Variants in GATAD1 observed in about 807,000 individuals in gnomAD.
GATAD1 encodes GATA zinc finger domain-containing protein 1.
Under a neutral mutation model 26.5 loss-of-function variants are expected in GATAD1, and 12 were observed. The ratio of observed to expected loss-of-function variants is 0.45; its 90% CI spans 0.29 to 0.73. The LOEUF (loss-of-function observed/expected upper bound fraction) is 0.73. Among genes scored for constraint, GATAD1 ranks in the 30% least tolerant of loss-of-function variants. The pLI is 0.10. For synonymous variants in GATAD1, 129 were observed against 133.1 expected (o/e 0.97, Z 0.21); for missense variants, 266 against 342.1 (o/e 0.78, Z 1.75).
chr7:92,481,829 AGTT>A, the GATAD1 span, among the ~76,000 whole-genome samples: 3 of 152,146 alleles, frequency 2.0e-5, no homozygotes, highest in South Asian at 2.1e-4. Context: ...GAGGGAAAGG[AGTT>A]GTTGTTTTGT....
Position 92,458,803 on chromosome 7 carries a change from A to AT in GATAD1, c.*2241_*2242insT, listed in dbSNP as rs1789798839. 1 of 152,232 alleles carries AT rather than the reference A, an allele frequency of 6.6e-6. No homozygotes were observed. Among genetic ancestry groups the AT allele is most frequent in the South Asian group, 2.1e-4 (1 of 4,838 alleles). 9.4% of individuals were successfully genotyped at this position (152,232 alleles called of 1,614,324 possible). ...TAACTTTCTAAGTGCCAATATTCAA[A>AT]ACTTTTGGATTAAAATGTATTTTTC... On this transcript the variant is annotated 3_prime_UTR_variant, in exon 5 of 5. Transcript: ENST00000287957.
In GATAD1 at chr7:92,447,837, G is replaced by A. The variant is rs752143717; in HGVS notation, c.108G>A (p.Arg36=). 2.3e-5 allele frequency: 33 copies of A among 1,409,846 alleles called. No individual in the cohort carries two copies. In the South Asian group the frequency reaches 4.6e-4, roughly 20 times the overall value. 87.3% of individuals were successfully genotyped at this position (1,409,846 alleles called of 1,614,324 possible). A position where few individuals can be genotyped will look rare whatever the true frequency, so the allele number is the denominator to read the frequency against. ...GEILCHHCTG[R]GGAGSGGAGS... ...TCCTCTGCCATCATTGCACTGGCCGGGGCGGCGCGGGCAGCGGGGGCGCAG... is the reference window on the plus strand; with the variant it reads ...TCCTCTGCCATCATTGCACTGGCCGAGGCGGCGCGGGCAGCGGGGGCGCAG... The change falls in exon 1 of 5, where the codon CGG becomes CGA. Residue 36 remains arginine (R), a synonymous_variant. Coordinates refer to ENST00000287957, the MANE Select transcript of GATAD1 (RefSeq NM_021167.5).
At chr7:92,472,097 C>A in the GATAD1 span, 1 of 152,126 alleles carries the variant, frequency 6.6e-6, no homozygotes, top group Admixed American at 6.5e-5. Context: ...CTAAAAGGTC[C>A]CCTCGAGTGG....
chr7:92,468,708 T>TC, the GATAD1 span: 1 of 668,514 alleles, frequency 1.5e-6, no homozygotes, highest in East Asian at 2.5e-5. Flanking sequence ...TGTCTCTCAG[T>TC]CCCCCATCTC....
the GATAD1 span, chr7:92,492,914 A>T: frequency 6.7e-7 from 1 of 1,495,148 alleles, no homozygotes; most frequent in Non-Finnish European, 9.3e-7. Flanking sequence ...TTCTTTTATC[A>T]CTCATAAAAT....
the GATAD1 span, among the ~76,000 whole-genome samples, chr7:92,483,250 A>T: frequency 3.3e-5 from 5 of 152,278 alleles, no homozygotes; most frequent in Admixed American, 1.3e-4. Flanking sequence ...CCGGCACTTG[A>T]AGCAAGATCC....
chr7:92,465,495 G>C, the GATAD1 span, among the ~76,000 whole-genome samples: 55 of 152,022 alleles, frequency 3.6e-4, no homozygotes, highest in Non-Finnish European at 6.6e-4. Context: ...GCCGCTGCCT[G>C]TAATCCCAGC....
the GATAD1 span, chr7:92,494,077 C>T: frequency 1.9e-6 from 1 of 525,946 alleles, no homozygotes; most frequent in East Asian, 3.4e-5. Context: ...TCAGCCAACA[C>T]AGAAGGATTA....
At chr7:92,475,966 A>G in the GATAD1 span, among the ~76,000 whole-genome samples, 1 of 152,200 alleles carries the variant, frequency 6.6e-6, no homozygotes, top group South Asian at 2.1e-4. Context: ...ACCAGTTATT[A>G]GGCAATTTTT....
downstream of GATAD1, among the ~76,000 whole-genome samples, chr7:92,464,208 A>G (rs1412911902): frequency 1.3e-5 from 2 of 152,204 alleles, no homozygotes; most frequent in Non-Finnish European, 1.5e-5. Context: ...CAGTTAGTAA[A>G]CAAGGCTAGG....
At chr7:92,467,533 G>A in the GATAD1 span, among the ~76,000 whole-genome samples, 1 of 152,240 alleles carries the variant, frequency 6.6e-6, no homozygotes, top group Non-Finnish European at 1.5e-5. Flanking sequence ...AGGCCCTCAT[G>A]TCAGGGCTTC....
At chr7:92,477,795 T>C in the GATAD1 span, 1 of 180,962 alleles carries the variant, frequency 5.5e-6, no homozygotes, top group South Asian at 1.5e-4. Flanking sequence ...AGGTCTGCGG[T>C]GGTGGCAAAC....
At chr7:92,483,007 G>A in the GATAD1 span, among the ~76,000 whole-genome samples, 1 of 152,308 alleles carries the variant, frequency 6.6e-6, no homozygotes, top group East Asian at 1.9e-4. Flanking sequence ...CTCAGTATCC[G>A]TGATGGTCCA....
intron 4 of GATAD1, among the ~76,000 whole-genome samples, chr7:92,455,277 A>G (rs892101243): frequency 5.3e-5 from 8 of 152,226 alleles, no homozygotes; most frequent in African/African-American, 9.6e-5. Context: ...AGTGGTATGG[A>G]TAAGATTTTT....
chr7:92,471,754 A>G, the GATAD1 span: 32 of 152,336 alleles, frequency 2.1e-4, no homozygotes, highest in East Asian at 6.0e-3. Flanking sequence ...TGTACAGCCA[A>G]TAATAATTTC....
intron 3 of GATAD1, 54 bp downstream of exon 3, chr7:92,450,814 CA>C: frequency 9.3e-7 from 1 of 1,077,260 alleles, no homozygotes; most frequent in South Asian, 1.3e-5. Flanking sequence ...GGTAATGTGC[CA>C]CTAAAATGTT....
the GATAD1 span, among the ~76,000 whole-genome samples, chr7:92,465,862 G>A: frequency 2.0e-5 from 3 of 151,934 alleles, no homozygotes; most frequent in Non-Finnish European, 4.4e-5. Flanking sequence ...TTAGCCCGGC[G>A]TGGTGGCACA....
At chr7:92,495,076 C>T in the GATAD1 span, among the ~76,000 whole-genome samples, 1 of 151,904 alleles carries the variant, frequency 6.6e-6, no homozygotes, top group African/African-American at 2.4e-5. Flanking sequence ...TGTGAAATGC[C>T]TATTCATTTA....
chr7:92,469,025 C>G, the GATAD1 span: 1 of 723,316 alleles, frequency 1.4e-6, no homozygotes, highest in Admixed American at 1.9e-5. Context: ...GCTAGAGGTC[C>G]TAAGAAGGGG....
Sources: allele counts gnomAD v4.1 joint callset (sites outside exome capture counted in the v4.1 genomes callset), GRCh38; gene constraint gnomAD v4.1.1; transcripts MANE v1.5; gene names NCBI Gene and HGNC (gene_info 2026-07-23, HGNC 2026-07-21).